The following HDAC9 variants were observed in gnomAD, a reference collection of about 807,000 sequenced individuals.
HDAC9 encodes the protein histone deacetylase 9.
A neutral mutation model predicts 139.4 loss-of-function variants in HDAC9; 41 were observed. That is an observed-to-expected ratio of 0.29 (90% CI 0.23 to 0.38). HDAC9 has a LOEUF of 0.38. Among genes scored for constraint, HDAC9 ranks in the 10% least tolerant of loss-of-function variants. The pLI, the probability that HDAC9 is intolerant of heterozygous loss-of-function variation, is 1.00. For missense variants in HDAC9, 1,147 were observed against 1,297.0 expected (o/e 0.88, Z 1.78); for synonymous variants, 517 against 476.2 (o/e 1.09, Z -1.12).
At chr7:18,658,914 C>CAAAAAAAAAAAAAAA (rs1792214878) in intron 11 of HDAC9, among the ~76,000 whole-genome samples, 1 of 116,080 alleles carries the variant, frequency 8.6e-6, no homozygotes, top group East Asian at 2.6e-4. Context: ...AAAAAAAAAA[C>CAAAAAAAAAAAAAAA]AAAACAACAA....
chr7:18,369,587 T>G (rs944904987), intron 1 of HDAC9, among the ~76,000 whole-genome samples: 5 of 152,108 alleles, frequency 3.3e-5, no homozygotes, highest in Non-Finnish European at 7.4e-5. Flanking sequence ...CTTTATTTAA[T>G]GACTCCTTTA....
intron 2 of HDAC9, among the ~76,000 whole-genome samples, chr7:18,270,648 G>A (rs1796295860): frequency 1.3e-5 from 2 of 152,040 alleles, no homozygotes; most frequent in Non-Finnish European, 2.9e-5. Context: ...TACATACGTA[G>A]TATATTATTT....
intron 12 of HDAC9, among the ~76,000 whole-genome samples, chr7:18,677,738 A>G (rs1330311389): frequency 6.6e-6 from 1 of 151,904 alleles, no homozygotes; most frequent in African/African-American, 2.4e-5. Flanking sequence ...ATCAAATTAT[A>G]TATTTTGGAT....
chr7:18,363,139 T>A (rs1354683425), intron 1 of HDAC9, among the ~76,000 whole-genome samples: 1 of 152,226 alleles, frequency 6.6e-6, no homozygotes, highest in Non-Finnish European at 1.5e-5. Context: ...TCGGTTTATC[T>A]TTTTTAAGGA....
intron 12 of HDAC9, among the ~76,000 whole-genome samples, chr7:18,707,506 C>A (rs1305762317): frequency 6.6e-6 from 1 of 151,998 alleles, no homozygotes; most frequent in Non-Finnish European, 1.5e-5. Context: ...ATATACAGCC[C>A]CTAACAGGCA....
At chr7:18,789,737 G>A (rs1792139673) in intron 16 of HDAC9, among the ~76,000 whole-genome samples, 1 of 152,114 alleles carries the variant, frequency 6.6e-6, no homozygotes, top group African/African-American at 2.4e-5. Flanking sequence ...TGCATTCCAA[G>A]CAAATCCTTC....
intron 13 of HDAC9, among the ~76,000 whole-genome samples, chr7:18,737,369 T>C (rs1238920197): frequency 6.6e-6 from 1 of 152,198 alleles, no homozygotes; most frequent in Non-Finnish European, 1.5e-5. Flanking sequence ...TTGTGGGCAT[T>C]TAGTGCTATA....
chr7:18,498,780 C>T (rs1245772969), intron 2 of HDAC9, among the ~76,000 whole-genome samples: 1 of 151,942 alleles, frequency 6.6e-6, no homozygotes, highest in African/African-American at 2.4e-5. Flanking sequence ...CTCCTGCTTG[C>T]CTCTTAGCAT....
At chr7:18,277,443 G>C (rs1018724304) in intron 2 of HDAC9, among the ~76,000 whole-genome samples, 4 of 152,188 alleles carry the variant, frequency 2.6e-5, no homozygotes, top group African/African-American at 7.2e-5. Flanking sequence ...TTGAAAGAAA[G>C]ATGAAAATTA....
intron 13 of HDAC9, among the ~76,000 whole-genome samples, chr7:18,747,288 G>T (rs1434648751): frequency 6.6e-6 from 1 of 152,154 alleles, no homozygotes; most frequent in Non-Finnish European, 1.5e-5. Context: ...GGAATAGAGT[G>T]AAAGTCAGGT....
At chr7:18,143,166 G>A (rs1178336462) in intron 1 of HDAC9, among the ~76,000 whole-genome samples, 1 of 152,134 alleles carries the variant, frequency 6.6e-6, no homozygotes, top group African/African-American at 2.4e-5. Flanking sequence ...GTGCACCTAC[G>A]CCTATTGTCA....
At chr7:18,575,833 T>C (rs1825795411) in intron 2 of HDAC9, among the ~76,000 whole-genome samples, 1 of 152,204 alleles carries the variant, frequency 6.6e-6, no homozygotes, top group Admixed American at 6.5e-5. Flanking sequence ...CTTGTGACTA[T>C]TATTCATTCA....
chr7:18,714,022 C>A (rs1359808435), intron 12 of HDAC9, among the ~76,000 whole-genome samples: 2 of 152,060 alleles, frequency 1.3e-5, no homozygotes, highest in Non-Finnish European at 2.9e-5. Context: ...TTAGATTAGT[C>A]TTTTTTGCAG....
chr7:18,978,722 T>A (rs1784708894), intron 25 of HDAC9, among the ~76,000 whole-genome samples: 1 of 152,224 alleles, frequency 6.6e-6, no homozygotes, highest in Non-Finnish European at 1.5e-5. Flanking sequence ...AATGTGTACC[T>A]TTAAACAATT....
At chr7:18,943,564 C>T (rs1782167010) in intron 23 of HDAC9, among the ~76,000 whole-genome samples, 1 of 152,074 alleles carries the variant, frequency 6.6e-6, no homozygotes. Context: ...GAGGCATCTT[C>T]TCATAGTCTT....
At chr7:18,867,817 A>G (rs1411743376) in intron 21 of HDAC9, among the ~76,000 whole-genome samples, 2 of 152,148 alleles carry the variant, frequency 1.3e-5, no homozygotes, top group African/African-American at 4.8e-5. Flanking sequence ...GACTTCTGCA[A>G]TGACCCTCTG....
At chr7:18,632,855 C>T (rs1309035328) in intron 7 of HDAC9, among the ~76,000 whole-genome samples, 1 of 151,846 alleles carries the variant, frequency 6.6e-6, no homozygotes, top group Non-Finnish European at 1.5e-5. Flanking sequence ...GTAAAGATCA[C>T]ATTAAAAGGG....
At chr7:18,893,272 G>C (rs781430744) in intron 22 of HDAC9, among the ~76,000 whole-genome samples, 2 of 152,102 alleles carry the variant, frequency 1.3e-5, no homozygotes, top group Non-Finnish European at 2.9e-5. Flanking sequence ...TAGTTGTGTA[G>C]TTTGTGCTTT....
chr7:18,740,154 G>A (rs569497382), intron 13 of HDAC9, among the ~76,000 whole-genome samples: 1 of 152,270 alleles, frequency 6.6e-6, no homozygotes, highest in Admixed American at 6.5e-5. Context: ...GAAGTGTCCC[G>A]TTTTTCAGGT....
Sources: gnomAD v4.1 joint callset for allele counts (sites outside exome capture counted in the v4.1 genomes callset) on GRCh38, gnomAD v4.1.1 for gene constraint, MANE v1.5 for transcripts, NCBI Gene and HGNC (gene_info 2026-07-23, HGNC 2026-07-21) for gene names.